CSMD1: variants seen among roughly 807,000 people sequenced by gnomAD.
The protein encoded by CSMD1 is CUB and Sushi multiple domains 1.
A neutral mutation model predicts 417.5 loss-of-function variants in CSMD1; 213 were observed. The ratio of observed to expected loss-of-function variants is 0.51; its 90% CI spans 0.46 to 0.57. CSMD1 has a LOEUF of 0.57. CSMD1 is among the 20% of genes least tolerant of loss of function. The pLI is 0.00. For missense variants in CSMD1, 6,923 were observed against 4,529.7 expected, an observed-to-expected ratio of 1.53 and a Z score of -15.17; for synonymous variants, 2,862 against 1,736.8, an observed-to-expected ratio of 1.65 and a Z score of -16.11.
chr8:4,693,485 T>G (rs1373534115), intron 1 of CSMD1, among the ~76,000 whole-genome samples: 1 of 152,184 alleles, frequency 6.6e-6, no homozygotes, highest in East Asian at 1.9e-4. Context: ...TGTGGGGACA[T>G]TAGTCCTATA....
chr8:3,095,544 A>G (rs1465915683), intron 47 of CSMD1, among the ~76,000 whole-genome samples: 2 of 152,198 alleles, frequency 1.3e-5, no homozygotes, highest in Non-Finnish European at 2.9e-5. Flanking sequence ...TTATTAATTC[A>G]TTTTTGAAAA....
chr8:4,367,171 G>C (rs1486265129), intron 3 of CSMD1, among the ~76,000 whole-genome samples: 1 of 152,092 alleles, frequency 6.6e-6, no homozygotes, highest in Non-Finnish European at 1.5e-5. Flanking sequence ...GATTTTAATT[G>C]TGTTAGAGCT....
intron 3 of CSMD1, among the ~76,000 whole-genome samples, chr8:4,211,991 T>C (rs1377093368): frequency 2.0e-5 from 3 of 152,096 alleles, no homozygotes; most frequent in African/African-American, 4.8e-5. Flanking sequence ...TCTTCTGTTA[T>C]AAAATAGCAG....
At chr8:4,164,280 T>C (rs929426472) in intron 3 of CSMD1, among the ~76,000 whole-genome samples, 2 of 152,216 alleles carry the variant, frequency 1.3e-5, no homozygotes, top group African/African-American at 2.4e-5. Flanking sequence ...TAATTTTCTT[T>C]AATGGATACA....
intron 5 of CSMD1, among the ~76,000 whole-genome samples, chr8:3,946,342 A>G (rs564810842): frequency 2.6e-5 from 4 of 152,242 alleles, no homozygotes; most frequent in East Asian, 1.9e-4. Flanking sequence ...ATTTTCGTCA[A>G]AAAAATCATT....
chr8:4,067,066 C>G (rs1484755751), intron 3 of CSMD1, among the ~76,000 whole-genome samples: 1 of 152,226 alleles, frequency 6.6e-6, no homozygotes, highest in African/African-American at 2.4e-5. Flanking sequence ...ATGGCGAAGA[C>G]TGAAATTCAG....
intron 3 of CSMD1, among the ~76,000 whole-genome samples, chr8:4,200,037 TA>T (rs1799559241): frequency 6.6e-6 from 1 of 152,232 alleles, no homozygotes; most frequent in African/African-American, 2.4e-5. Flanking sequence ...TGAGGTGCCA[TA>T]AAATCCTGAA....
At chr8:4,252,327 C>T (rs1803136998) in intron 3 of CSMD1, among the ~76,000 whole-genome samples, 1 of 152,192 alleles carries the variant, frequency 6.6e-6, no homozygotes, top group African/African-American at 2.4e-5. Context: ...CATATCTCTA[C>T]AATGAAGAAT....
intron 3 of CSMD1, among the ~76,000 whole-genome samples, chr8:4,381,849 C>A (rs1368657493): frequency 6.6e-6 from 1 of 152,186 alleles, no homozygotes; most frequent in Non-Finnish European, 1.5e-5. Flanking sequence ...CAAAGCTCAG[C>A]ATCACCTAGG....
At chr8:4,165,320 G>A (rs1797392711) in intron 3 of CSMD1, among the ~76,000 whole-genome samples, 1 of 152,220 alleles carries the variant, frequency 6.6e-6, no homozygotes, top group Non-Finnish European at 1.5e-5. Flanking sequence ...TATCTCAGCT[G>A]TAGAAGCGCA....
intron 4 of CSMD1, among the ~76,000 whole-genome samples, chr8:3,999,761 A>T (rs867683685): frequency 6.6e-6 from 1 of 152,130 alleles, no homozygotes; most frequent in African/African-American, 2.4e-5. Flanking sequence ...CTTGGAGGAA[A>T]ATTACTACCT....
At chr8:3,244,026 A>T (rs963793095) in intron 26 of CSMD1, among the ~76,000 whole-genome samples, 1 of 152,176 alleles carries the variant, frequency 6.6e-6, no homozygotes, top group Non-Finnish European at 1.5e-5. Context: ...GATAGATAAA[A>T]TGCTTCTCAC....
chr8:3,409,469 G>T lies in CSMD1; in HGVS notation c.1698C>A (p.Thr566=), dbSNP rs769415847. 5.6e-6 allele frequency: 9 copies of T among 1,611,478 alleles called. No homozygotes were observed. In the Middle Eastern group the frequency reaches 4.9e-4, roughly 88 times the overall value. The change falls in exon 13 of 70, where the codon ACC becomes ACA. Residue 566 remains threonine, a synonymous_variant. Transcript: ENST00000635120. The part of the protein sequence containing the change: ...AFELVGERVI[T]CQQNNQWSGN... ...CAGACCACTGATTGTTCTGCTGACA[G>T]GTGATAACTCTCTCCCCCACCAGCT...
At chr8:4,755,438 A>C (rs1273517267) in intron 1 of CSMD1, among the ~76,000 whole-genome samples, 1 of 152,086 alleles carries the variant, frequency 6.6e-6, no homozygotes, top group Non-Finnish European at 1.5e-5. Flanking sequence ...TTACTATCTT[A>C]ATTTTTTTAT....
intron 3 of CSMD1, among the ~76,000 whole-genome samples, chr8:4,214,576 G>T (rs576780179): frequency 6.6e-6 from 1 of 152,148 alleles, no homozygotes; most frequent in African/African-American, 2.4e-5. Flanking sequence ...GGAATTACAG[G>T]CATGAGCCAC....
At chr8:3,530,884 G>A (rs1797952632) in intron 10 of CSMD1, among the ~76,000 whole-genome samples, 2 of 149,410 alleles carry the variant, frequency 1.3e-5, no homozygotes, top group Admixed American at 1.3e-4. Flanking sequence ...TTAAGATGGA[G>A]TCTCATTCTG....
At chr8:4,939,081 C>G (rs190017368) in intron 1 of CSMD1, among the ~76,000 whole-genome samples, 178 of 152,326 alleles carry the variant, frequency 1.2e-3, no homozygotes, top group African/African-American at 4.2e-3. Context: ...AATTCTCCCC[C>G]CTCTGCGGGT....
intron 2 of CSMD1, among the ~76,000 whole-genome samples, chr8:4,568,592 C>G (rs774213934): frequency 6.6e-6 from 1 of 152,100 alleles, no homozygotes; most frequent in Non-Finnish European, 1.5e-5. Context: ...CGTGTGCATG[C>G]ATCTTCATAA....
At chr8:3,210,777 C>G (rs1248831591) in intron 30 of CSMD1, among the ~76,000 whole-genome samples, 1 of 150,694 alleles carries the variant, frequency 6.6e-6, no homozygotes, top group Non-Finnish European at 1.5e-5. Context: ...AATACTTTAC[C>G]CATGCTTTTT....
Sources: allele counts gnomAD v4.1 joint callset (sites outside exome capture counted in the v4.1 genomes callset), GRCh38; gene constraint gnomAD v4.1.1; transcripts MANE v1.5; gene names NCBI Gene and HGNC (gene_info 2026-07-23, HGNC 2026-07-21).